GFPT2: variants seen among roughly 807,000 people sequenced by gnomAD.
GFPT2 encodes the protein glutamine--fructose-6-phosphate aminotransferase [isomerizing] 2.
A neutral mutation model predicts 85.6 loss-of-function variants in GFPT2; 62 were observed. That is an observed-to-expected ratio of 0.72 (90% CI 0.59 to 0.90). The LOEUF is 0.90. Ranked by LOEUF, GFPT2 falls within the 40% of genes least tolerant of loss-of-function variation. GFPT2 has a pLI of 0.00. For missense variants in GFPT2, 788 were observed against 893.4 expected, an observed-to-expected ratio of 0.88 and a Z score of 1.50; for synonymous variants, 368 against 344.5, an observed-to-expected ratio of 1.07 and a Z score of -0.75.
chr5:180,331,834 C>T (rs1257580537), intron 4 of GFPT2, among the ~76,000 whole-genome samples: 1 of 152,170 alleles, frequency 6.6e-6, no homozygotes, highest in East Asian at 1.9e-4. Context: ...CCTGACCGTG[C>T]AGAGAGCTCT....
chr5:180,315,203 A>T (rs930545484), intron 13 of GFPT2, among the ~76,000 whole-genome samples: 2 of 145,964 alleles, frequency 1.4e-5, no homozygotes, highest in African/African-American at 5.2e-5. Context: ...TTTGAGACGG[A>T]GTCTCGCTCT....
chr5:180,333,272 T>C (rs1263973180), intron 4 of GFPT2, among the ~76,000 whole-genome samples: 1 of 151,972 alleles, frequency 6.6e-6, no homozygotes, highest in Non-Finnish European at 1.5e-5. Flanking sequence ...TCTCACTCTG[T>C]CGCCCAGGCT....
At chr5:180,313,402 T>C (rs1015185541) in intron 14 of GFPT2, among the ~76,000 whole-genome samples, 7 of 148,838 alleles carry the variant, frequency 4.7e-5, no homozygotes, top group South Asian at 4.3e-4. Context: ...CCATCCCGGC[T>C]AACACGGTGA....
chr5:180,335,782 C>T, intron 4 of GFPT2, 46 bp downstream of exon 4: 4 of 1,581,394 alleles, frequency 2.5e-6, no homozygotes, highest in Non-Finnish European at 3.4e-6. Context: ...CCTGACACAG[C>T]TCAGGGTGAG....
At chr5:180,312,722 T>C (rs994286110) in intron 14 of GFPT2, among the ~76,000 whole-genome samples, 178 bp from the exon 15 acceptor site, 1 of 152,186 alleles carries the variant, frequency 6.6e-6, no homozygotes, top group Non-Finnish European at 1.5e-5. Flanking sequence ...TAACTGGGAC[T>C]ACAGGTGCCA....
chr5:180,304,662 G>A (rs1581365374), intron 17 of GFPT2, 110 bp downstream of exon 17: 1 of 1,017,228 alleles, frequency 9.8e-7, no homozygotes, highest in East Asian at 2.4e-5. Flanking sequence ...TGTGGTCACA[G>A]CCACTCACTG....
At chr5:180,347,337 G>T (rs1764628427) in intron 1 of GFPT2, among the ~76,000 whole-genome samples, 1 of 152,238 alleles carries the variant, frequency 6.6e-6, no homozygotes, top group Admixed American at 6.5e-5. Flanking sequence ...GGCCCGGCCT[G>T]GGGGCAGAGG....
Position 180,328,619 on chromosome 5 carries a change from T to C in GFPT2, c.535-281A>G, listed in dbSNP as rs1581381269. ...GAGCCCGGCAGGGGTGCCAGCTGGG[T>C]AGACGGGGCAGTGAGAGTCACAGGA... On this transcript the variant is annotated intron_variant, in intron 6 of 18. Coordinates refer to ENST00000253778, the MANE Select transcript of GFPT2 (RefSeq NM_005110.4). This position sits in a 1 kb window ranked among gnomAD's most constrained non-coding sequence, Gnocchi z 5.4. 6.6e-6 allele frequency among the ~76,000 whole-genome samples: 1 copy of C among 152,146 alleles called. No individual in the cohort carries two copies. The highest frequency in any genetic ancestry group is 2.4e-5 in the African/African-American group (1 of 41,438).
intron 14 of GFPT2, among the ~76,000 whole-genome samples, chr5:180,313,355 G>A (rs1448689259): frequency 1.3e-5 from 2 of 151,454 alleles, no homozygotes; most frequent in South Asian, 2.1e-4. Flanking sequence ...ACTTTGGGAG[G>A]CCGAGGCGGG....
rs77381392 is a variant in GFPT2 at position 180,318,413 on chromosome 5, C to A, written c.958+380G>T. On this transcript the variant is annotated intron_variant, in intron 10 of 18. Transcript: ENST00000253778. The surrounding 1 kb of genome is among the most constrained non-coding windows in gnomAD (Gnocchi z 4.2). Reference sequence around the variant, plus strand: ...ACAGAAATGGGTGCAGACAGAGAGGCTCTCCTTGTAGGGAGAAAGTGTACC... The same window carrying A: ...ACAGAAATGGGTGCAGACAGAGAGGATCTCCTTGTAGGGAGAAAGTGTACC... 6.6e-6 allele frequency among the ~76,000 whole-genome samples: 1 copy of A among 152,006 alleles called. No homozygotes were observed. Among genetic ancestry groups the A allele is most frequent in the East Asian group, 1.9e-4 (1 of 5,162 alleles).
intron 17 of GFPT2, among the ~76,000 whole-genome samples, 179 bp downstream of exon 17, chr5:180,304,593 G>A (rs1044179017): frequency 5.3e-5 from 8 of 152,228 alleles, no homozygotes; most frequent in African/African-American, 9.6e-5. Flanking sequence ...GGACAGCTGC[G>A]GGCTGACCAG....
At chr5:180,339,587 C>T (rs972190508) in intron 1 of GFPT2, among the ~76,000 whole-genome samples, 2 of 152,196 alleles carry the variant, frequency 1.3e-5, no homozygotes, top group Non-Finnish European at 2.9e-5. Flanking sequence ...CCAGATTCCT[C>T]CACTCCTTGT....
Position 180,324,187 on chromosome 5 carries a change from C to A in GFPT2, c.794+1G>T. Reference sequence around the variant, plus strand: ...AAGCGAAGAGAAGAAGGCTCAGTTACCTTGCATCAGAAGCAAAGAAGAATT... The same window carrying A: ...AAGCGAAGAGAAGAAGGCTCAGTTAACTTGCATCAGAAGCAAAGAAGAATT... On this transcript the variant is annotated splice_donor_variant, in intron 9 of 18. Transcript: ENST00000253778. LOFTEE classifies it high-confidence loss of function. 6.5e-7 allele frequency: 1 copy of A among 1,548,562 alleles called. No individual in the cohort carries two copies. Among genetic ancestry groups the A allele is most frequent in the Non-Finnish European group, 8.9e-7 (1 of 1,121,372 alleles).
chr5:180,348,415 A>C (rs1406986010), intron 1 of GFPT2, among the ~76,000 whole-genome samples: 1 of 152,244 alleles, frequency 6.6e-6, no homozygotes, highest in Non-Finnish European at 1.5e-5. Flanking sequence ...TACACTGGGA[A>C]AGGTCACTTG....
chr5:180,326,049 T>TAAAA (rs1157488312), intron 7 of GFPT2, among the ~76,000 whole-genome samples: 1 of 151,986 alleles, frequency 6.6e-6, no homozygotes, highest in Admixed American at 6.6e-5. Flanking sequence ...AATAAATAAA[T>TAAAA]AAAAGGATCT....
chr5:180,338,623 T>C, intron 1 of GFPT2, 23 bp from the exon 2 acceptor site: 1 of 1,395,580 alleles, frequency 7.2e-7, no homozygotes, highest in Non-Finnish European at 1.0e-6. Flanking sequence ...AAAAAAATGG[T>C]GCATTCATAA....
chr5:180,311,925 G>A (rs28696251), intron 15 of GFPT2, among the ~76,000 whole-genome samples: 43,050 of 145,946 alleles, frequency 0.29, 7,161 homozygotes, highest in East Asian at 0.44. Flanking sequence ...AAGGCCCTGC[G>A]GTGAGAAAGC....
intron 16 of GFPT2, among the ~76,000 whole-genome samples, chr5:180,306,709 A>C (rs1763784097): frequency 6.6e-6 from 1 of 152,146 alleles, no homozygotes; most frequent in South Asian, 2.1e-4. Flanking sequence ...CCACCCCTCA[A>C]TTTTGGTGGA....
At chr5:180,309,792 T>C (rs1436089564) in intron 15 of GFPT2, among the ~76,000 whole-genome samples, 1 of 151,868 alleles carries the variant, frequency 6.6e-6, no homozygotes, top group African/African-American at 2.4e-5. Context: ...ACTAATAATT[T>C]TTACCACCTC....
Sources: allele counts gnomAD v4.1 joint callset (sites outside exome capture counted in the v4.1 genomes callset), GRCh38; gene constraint gnomAD v4.1.1; non-coding constraint Gnocchi (gnomAD v3.1); transcripts MANE v1.5; gene names NCBI Gene and HGNC (gene_info 2026-07-23, HGNC 2026-07-21).